PEX5: variants seen among roughly 807,000 people sequenced by gnomAD.
PEX5 encodes peroxisomal biogenesis factor 5.
Under a neutral mutation model 82.9 loss-of-function variants are expected in PEX5, and 52 were observed. The observed-to-expected ratio is 0.63, with a 90% CI of 0.50 to 0.79. PEX5 has a LOEUF of 0.79. PEX5 is among the 30% of genes least tolerant of loss of function. The pLI, the probability that PEX5 is intolerant of heterozygous loss-of-function variation, is 0.00. For missense variants in PEX5, 719 were observed against 815.2 expected, an observed-to-expected ratio of 0.88 and a Z score of 1.44; for synonymous variants, 300 against 318.8, an observed-to-expected ratio of 0.94 and a Z score of 0.63.
At position 7,189,739 on chromosome 12, in the gene PEX5, C is replaced by A. The variant is rs1428695958; in HGVS notation, c.-28C>A. 8 of 409,236 alleles carry A rather than the reference C, an allele frequency of 2.0e-5. No individual in the cohort carries two copies. Among genetic ancestry groups the A allele is most frequent in the African/African-American group, 1.5e-4 (7 of 47,718 alleles). The allele number at this position is 409,236 out of a possible 1,614,324, so 25.4% of individuals were successfully genotyped here. Reference sequence around the variant, plus strand: ...TGGTGCCCCGGCGGGTCGTGCGGCGCGGCGCTCCGCGGTGAGCGCCTGACC... The same window carrying A: ...TGGTGCCCCGGCGGGTCGTGCGGCGAGGCGCTCCGCGGTGAGCGCCTGACC... On this transcript the variant is annotated 5_prime_UTR_variant, in exon 1 of 16. Coordinates refer to ENST00000675855, the MANE Select transcript of PEX5 (RefSeq NM_001351132.2).
At chr12:7,205,399 T>A (rs1324241090) in intron 10 of PEX5, among the ~76,000 whole-genome samples, 1 of 152,222 alleles carries the variant, frequency 6.6e-6, no homozygotes, top group East Asian at 1.9e-4. Flanking sequence ...AATTCATGGA[T>A]CTCTTTGAAT....
intron 5 of PEX5, among the ~76,000 whole-genome samples, chr12:7,197,885 T>C (rs1014435185): frequency 3.9e-5 from 6 of 152,196 alleles, no homozygotes; most frequent in African/African-American, 1.2e-4. Flanking sequence ...CCTTGGGAAC[T>C]GTCCTTGTCA....
chr12:7,210,291 C>T lies in PEX5; in HGVS notation c.*68C>T. On this transcript the variant is annotated 3_prime_UTR_variant, in exon 16 of 16. Coordinates refer to ENST00000675855, the MANE Select transcript of PEX5 (RefSeq NM_001351132.2). ...CCCGCTTTGGATGTGATTCCCTCTC[C>T]CCAAATGGGCCTACCAAGGGGGCGG... 6.8e-7 allele frequency: 1 copy of T among 1,469,168 alleles called. No homozygotes were observed. The highest frequency in any genetic ancestry group is 9.5e-7 in the Non-Finnish European group (1 of 1,053,180). 91.0% of individuals were successfully genotyped at this position (1,469,168 alleles called of 1,614,324 possible). A position where few individuals can be genotyped will look rare whatever the true frequency, so the allele number is the denominator to read the frequency against.
intron 2 of PEX5, 179 bp downstream of exon 2, chr12:7,190,703 T>G: frequency 7.0e-7 from 1 of 1,423,196 alleles, no homozygotes; most frequent in Non-Finnish European, 9.8e-7. Context: ...CTTTCTCTAT[T>G]GTGTTGCAAA....
intron 5 of PEX5, among the ~76,000 whole-genome samples, chr12:7,196,018 A>G (rs1333337584): frequency 2.4e-4 from 10 of 41,082 alleles, no homozygotes; most frequent in Admixed American, 2.1e-3. Context: ...TTCTTATTAC[A>G]TTATACATTA....
intron 3 of PEX5, 71 bp downstream of exon 3, chr12:7,190,994 C>T (rs906075201): frequency 6.9e-7 from 1 of 1,442,508 alleles, no homozygotes; most frequent in Non-Finnish European, 9.8e-7. Flanking sequence ...AAACTTAGTT[C>T]ACCCGTATTT....
At position 7,189,751 on chromosome 12, in the gene PEX5, G is replaced by T. The variant is rs769871673; in HGVS notation, c.-17+1G>T. On this transcript the variant is annotated splice_donor_variant, in intron 1 of 15. Coordinates refer to ENST00000675855, the MANE Select transcript of PEX5 (RefSeq NM_001351132.2). LOFTEE classifies it low-confidence loss of function (5UTR_SPLICE). ...GGGTCGTGCGGCGCGGCGCTCCGCG[G>T]TGAGCGCCTGACCCCGAGGGGGCCC... 2.3e-6 allele frequency: 1 copy of T among 441,870 alleles called. No homozygotes were observed. The highest frequency in any genetic ancestry group is 4.5e-5 in the Admixed American group (1 of 22,030). 27.4% of individuals were successfully genotyped at this position (441,870 alleles called of 1,614,324 possible). A position where few individuals can be genotyped will look rare whatever the true frequency, so the allele number is the denominator to read the frequency against.
chr12:7,210,811 G>A lies in PEX5; in HGVS notation c.*588G>A. 5.0e-6 allele frequency: 1 copy of A among 200,220 alleles called. No homozygotes were observed. The highest frequency in any genetic ancestry group is 1.0e-5 in the Non-Finnish European group (1 of 96,652). 12.4% of individuals were successfully genotyped at this position (200,220 alleles called of 1,614,324 possible). A position where few individuals can be genotyped will look rare whatever the true frequency, so the allele number is the denominator to read the frequency against. ...CTGGCTGAGCTCTGATTCCCTGTGA[G>A]CACGATGCTGATGCAATAGTCCTGT... On this transcript the variant is annotated 3_prime_UTR_variant, in exon 16 of 16. Transcript: ENST00000675855.
At chr12:7,211,645 C>T (rs1434612420), downstream of PEX5, among the ~76,000 whole-genome samples, 1 of 145,978 alleles carries the variant, frequency 6.9e-6, no homozygotes, top group Non-Finnish European at 1.5e-5. Context: ...TTCTCTGGGC[C>T]TCTGGGCTAG....
At chr12:7,204,106 G>C (rs1944476685) in intron 10 of PEX5, among the ~76,000 whole-genome samples, 1 of 152,208 alleles carries the variant, frequency 6.6e-6, no homozygotes, top group African/African-American at 2.4e-5. Flanking sequence ...CCTATAGCAT[G>C]TGCTGTTGAC....
In PEX5 at chr12:7,191,749, T is replaced by C. The variant is rs748719516; in HGVS notation, c.448+49T>C. ...TATATTGGCTTCTATGGGACAGAAT[T>C]CTATACCCTTCCCCTGTTCACGTTA... On this transcript the variant is annotated intron_variant, in intron 5 of 15. Coordinates refer to ENST00000675855, the MANE Select transcript of PEX5 (RefSeq NM_001351132.2). 1.9e-6 allele frequency: 3 copies of C among 1,539,606 alleles called. No individual in the cohort carries two copies. The South Asian group carries it at 3.4e-5, about 17-fold the overall frequency.
Position 7,208,475 on chromosome 12 carries a change from A to G in PEX5, c.1200A>G (p.Pro400=). 1 of 1,613,944 alleles carries G rather than the reference A, an allele frequency of 6.2e-7. No homozygotes were observed. The highest frequency in any genetic ancestry group is 8.5e-7 in the Non-Finnish European group (1 of 1,179,804). Residue 400 remains proline (P), a synonymous_variant, in exon 13 of 16, where the codon CCA becomes CCG. Transcript: ENST00000675855. ...SALRRCLELK[P]DNQTALMALA... is the part of the protein sequence containing the mutation. ...CAAACAGGTGTCTGGAGCTAAAGCC[A>G]GATAACCAGACAGCACTGATGGCGC...
chr12:7,195,611 CTGTTTTTTTTTTTT>C (rs1941937138), intron 5 of PEX5, among the ~76,000 whole-genome samples: 1 of 143,956 alleles, frequency 6.9e-6, no homozygotes, highest in Admixed American at 6.9e-5. Flanking sequence ...TGTGTTTTTT[CTGTTTTTTTTTTTT>C]TGTCCTTGAG....
downstream of PEX5, among the ~76,000 whole-genome samples, chr12:7,215,921 C>T (rs117181443): frequency 1.1e-3 from 169 of 151,886 alleles, 4 homozygotes; most frequent in East Asian, 0.03. Context: ...TTTACAAAGA[C>T]GCGATTTAAA....
At chr12:7,192,233 C>G (rs1468691470) in intron 5 of PEX5, among the ~76,000 whole-genome samples, 1 of 152,144 alleles carries the variant, frequency 6.6e-6, no homozygotes, top group African/African-American at 2.4e-5. Context: ...CATGAGAACC[C>G]TAGAGGTAGT....
intron 1 of PEX5, chr12:7,190,025 C>T: frequency 1.3e-6 from 2 of 1,503,766 alleles, no homozygotes; most frequent in Non-Finnish European, 1.8e-6. Flanking sequence ...CGGGCAGTGT[C>T]GCCGTCCAGC....
At position 7,190,400 on chromosome 12, in the gene PEX5, A is replaced by G. The variant is rs777143989; in HGVS notation, c.23A>G (p.Glu8Gly). 1 of 1,614,186 alleles carries G rather than the reference A, an allele frequency of 6.2e-7. No homozygotes were observed. The highest frequency in any genetic ancestry group is 8.5e-7 in the Non-Finnish European group (1 of 1,180,034). ...ACCATGGCAATGCGGGAGCTGGTGGAGGCCGAATGCGGGGGTGCCAACCCG... is the reference window on the plus strand; with the variant it reads ...ACCATGGCAATGCGGGAGCTGGTGGGGGCCGAATGCGGGGGTGCCAACCCG... MAMRELV[E>G]AECGGANPLM... Residue 8 changes from glutamate to glycine, a missense_variant, in exon 2 of 16, where the codon GAG becomes GGG. Glu to Gly is a moderately conservative substitution (Grantham distance 98). Coordinates refer to ENST00000675855, the MANE Select transcript of PEX5 (RefSeq NM_001351132.2).
intron 5 of PEX5, among the ~76,000 whole-genome samples, chr12:7,192,822 C>G (rs781758371): frequency 6.6e-5 from 10 of 152,138 alleles, no homozygotes; most frequent in Admixed American, 5.2e-4. Flanking sequence ...CATTGCTCCT[C>G]GCATCCTTTA....
At chr12:7,205,123 T>C (rs1716523313) in intron 10 of PEX5, among the ~76,000 whole-genome samples, 1 of 152,236 alleles carries the variant, frequency 6.6e-6, no homozygotes, top group Non-Finnish European at 1.5e-5. Context: ...TTTGCAATGA[T>C]TTTTGGGATA....
Sources: gnomAD v4.1 joint callset for allele counts (sites outside exome capture counted in the v4.1 genomes callset) on GRCh38, gnomAD v4.1.1 for gene constraint, MANE v1.5 for transcripts, NCBI Gene and HGNC (gene_info 2026-07-23, HGNC 2026-07-21) for gene names.